ACACA: variants seen among roughly 807,000 people sequenced by gnomAD.
ACACA encodes acetyl-CoA carboxylase alpha, also known as acetyl-CoA carboxylase 1.
ACACA carries 103 observed loss-of-function variants against 296.1 expected under a neutral mutation model. The ratio of observed to expected loss-of-function variants is 0.35; its 90% CI spans 0.30 to 0.41. The LOEUF is 0.41. Ranked by LOEUF, ACACA falls within the 10% of genes least tolerant of loss-of-function variation. The pLI, the probability that ACACA is intolerant of heterozygous loss-of-function variation, is 1.00. For missense variants in ACACA, 1,554 were observed against 2,989.7 expected (o/e 0.52, Z 11.20); for synonymous variants, 953 against 1,038.6 (o/e 0.92, Z 1.58).
chr17:37,127,766 C>A (rs941347540), intron 47 of ACACA, among the ~76,000 whole-genome samples: 1 of 151,104 alleles, frequency 6.6e-6, no homozygotes, highest in Non-Finnish European at 1.5e-5. Context: ...ACCACTTGAA[C>A]CTGGGAGGCG....
intron 1 of ACACA, among the ~76,000 whole-genome samples, chr17:37,342,918 A>C (rs1350538314): frequency 6.6e-6 from 1 of 152,038 alleles, no homozygotes; most frequent in Non-Finnish European, 1.5e-5. Context: ...ACAGAATGAG[A>C]TTTTGTCTCA....
intron 51 of ACACA, 54 bp from the exon 52 acceptor site, chr17:37,111,697 G>C (rs2073979580): frequency 7.4e-7 from 1 of 1,351,676 alleles, no homozygotes; most frequent in African/African-American, 1.4e-5. Context: ...TTTAAAGGAA[G>C]GAGACAACAG....
chr17:37,324,725 C>T (rs2047519043), intron 3 of ACACA, among the ~76,000 whole-genome samples: 1 of 147,014 alleles, frequency 6.8e-6, no homozygotes, highest in Admixed American at 6.8e-5. Context: ...GTCCCAGCTA[C>T]TCGAGAGGCT....
At position 37,330,343 on chromosome 17, in the gene ACACA, G is replaced by A; in HGVS notation, c.168C>T (p.Phe56=). 1 of 1,614,202 alleles carries A rather than the reference G, an allele frequency of 6.2e-7. No individual in the cohort carries two copies. The highest frequency in any genetic ancestry group is 8.5e-7 in the Non-Finnish European group (1 of 1,180,040). ...QPLELNQHSR[F]IIGSVSEDNS... is the part of the protein sequence containing the mutation. ...TATCTTCAGACACAGAACCTATTAT[G>A]AATCGAGAGTGCTGGTTCAGCTCCA... The change falls in exon 3 of 56, where the codon TTC becomes TTT. Residue 56 remains phenylalanine (F), a synonymous_variant. Transcript: ENST00000616317.
Position 37,188,608 on chromosome 17 carries a change from T to C in ACACA, c.4573-128A>G, listed in dbSNP as rs940067514. On this transcript the variant is annotated intron_variant, in intron 38 of 55. Coordinates refer to ENST00000616317, the MANE Select transcript of ACACA (RefSeq NM_198834.3). ...GGTTGGTTTGTGGAGATGCACACCT[T>C]ACAAAAAGTGGTCAGATAGTTTCTC... 98 of 940,136 alleles carry C rather than the reference T, an allele frequency of 1.0e-4. No individual in the cohort carries two copies. In the African/African-American group the frequency reaches 1.5e-3, roughly 14 times the overall value. 58.2% of individuals were successfully genotyped at this position (940,136 alleles called of 1,614,324 possible).
At chr17:37,111,930 G>T (rs2073992637) in intron 51 of ACACA, among the ~76,000 whole-genome samples, 1 of 152,082 alleles carries the variant, frequency 6.6e-6, no homozygotes, top group African/African-American at 2.4e-5. Context: ...ACCTACAGCT[G>T]ATAAGAGTAA....
chr17:37,271,875 G>A (rs540614449), intron 9 of ACACA, among the ~76,000 whole-genome samples: 9 of 151,990 alleles, frequency 5.9e-5, no homozygotes, highest in African/African-American at 9.7e-5. Context: ...GGGAGGCTGC[G>A]GCACGAGAAT....
At position 37,319,953 on chromosome 17, in the gene ACACA, A is replaced by AAAAT. The variant is rs547850944; in HGVS notation, c.338+10216_338+10219dup. Among the ~76,000 whole-genome samples, 264 of 151,834 alleles carry AAAAT rather than the reference A, an allele frequency of 1.7e-3. 1 individual carries two copies. Among genetic ancestry groups the AAAAT allele is most frequent in the African/African-American group, 5.1e-3 (210 of 41,378 alleles). On this transcript the variant is annotated intron_variant, in intron 3 of 55. Coordinates refer to ENST00000616317, the MANE Select transcript of ACACA (RefSeq NM_198834.3). ...GCAACAGAGTGAGACTCCATCTCAA[A>AAAAT]AAATAAATAAATAAATAAATAAACT... is the stretch of plus-strand genomic sequence containing the variant.
chr17:37,147,767 T>C (rs1322517844), intron 45 of ACACA, among the ~76,000 whole-genome samples: 1 of 152,222 alleles, frequency 6.6e-6, no homozygotes, highest in African/African-American at 2.4e-5. Flanking sequence ...GTTAAAGCTA[T>C]AGCTTTATTT....
At chr17:37,300,580 C>A (rs1477381551) in intron 3 of ACACA, among the ~76,000 whole-genome samples, 1 of 152,066 alleles carries the variant, frequency 6.6e-6, no homozygotes, top group Non-Finnish European at 1.5e-5. Flanking sequence ...TCCAGAAAAA[C>A]CTTCAAAAAC....
At chr17:37,314,634 C>CTTTTTTTTTTT (rs57554348) in intron 3 of ACACA, among the ~76,000 whole-genome samples, 1 of 109,996 alleles carries the variant, frequency 9.1e-6, no homozygotes, top group African/African-American at 3.7e-5. Context: ...GGAATCCACA[C>CTTTTTTTTTTT]TTTTTTTTTT....
At chr17:37,316,302 T>TACACACACACACACACACACACAC (rs10533479) in intron 3 of ACACA, among the ~76,000 whole-genome samples, 9 of 142,590 alleles carry the variant, frequency 6.3e-5, no homozygotes, top group African/African-American at 2.3e-4. Context: ...TACCCTTACA[T>TACACACACACACACACACACACAC]ACACACACAC....
At chr17:37,101,054 G>A (rs531283344) in intron 52 of ACACA, among the ~76,000 whole-genome samples, 8 of 148,870 alleles carry the variant, frequency 5.4e-5, no homozygotes, top group African/African-American at 9.9e-5. Flanking sequence ...TTAAGATGGC[G>A]CCACTGCACT....
At chr17:37,146,949 C>A (rs1263681459) in intron 45 of ACACA, among the ~76,000 whole-genome samples, 1 of 151,802 alleles carries the variant, frequency 6.6e-6, no homozygotes, top group Non-Finnish European at 1.5e-5. Flanking sequence ...TTCATGCCTC[C>A]TGGCTTTTGA....
At chr17:37,300,750 A>T (rs1477681177) in intron 3 of ACACA, among the ~76,000 whole-genome samples, 1 of 152,182 alleles carries the variant, frequency 6.6e-6, no homozygotes, top group Non-Finnish European at 1.5e-5. Context: ...CAGGCCACCC[A>T]ACATGACAAC....
chr17:37,098,149 C>T (rs1567654721), intron 52 of ACACA, among the ~76,000 whole-genome samples, 165 bp from the exon 53 acceptor site: 1 of 152,210 alleles, frequency 6.6e-6, no homozygotes, highest in African/African-American at 2.4e-5. Flanking sequence ...CAGGGCCCTA[C>T]AAGATGCCAC....
intron 1 of ACACA, among the ~76,000 whole-genome samples, chr17:37,365,041 C>T (rs1281147427): frequency 6.6e-6 from 1 of 152,042 alleles, no homozygotes; most frequent in African/African-American, 2.4e-5. Context: ...AGCGTGCTGT[C>T]AGATCACTGC....
intron 3 of ACACA, among the ~76,000 whole-genome samples, chr17:37,289,077 A>G (rs2082924128): frequency 6.6e-6 from 1 of 151,952 alleles, no homozygotes; most frequent in Non-Finnish European, 1.5e-5. Context: ...AGCCTAACCA[A>G]TATGGTGAAA....
chr17:37,092,506 T>A (rs1207748314), intron 54 of ACACA, among the ~76,000 whole-genome samples: 1 of 152,230 alleles, frequency 6.6e-6, no homozygotes, highest in South Asian at 2.1e-4. Context: ...TCTGCATCAG[T>A]GGATAAGTAT....
Sources: gnomAD v4.1 joint callset for allele counts (sites outside exome capture counted in the v4.1 genomes callset) on GRCh38, gnomAD v4.1.1 for gene constraint, MANE v1.5 for transcripts, NCBI Gene and HGNC (gene_info 2026-07-23, HGNC 2026-07-21) for gene names.